The following KATNBL1 variants were observed in gnomAD, a reference collection of about 807,000 sequenced individuals.
The protein encoded by KATNBL1 is KATNB1-like protein 1.
A neutral mutation model predicts 44.7 loss-of-function variants in KATNBL1; 28 were observed. The ratio of observed to expected loss-of-function variants is 0.63; its 90% CI spans 0.46 to 0.86. The LOEUF (loss-of-function observed/expected upper bound fraction) is 0.86. KATNBL1 is among the 40% of genes least tolerant of loss of function. KATNBL1 has a pLI of 0.00. For missense variants in KATNBL1, 272 were observed against 350.7 expected, an observed-to-expected ratio of 0.78 and a Z score of 1.79; for synonymous variants, 78 against 114.9, an observed-to-expected ratio of 0.68 and a Z score of 2.06.
chr15:34,143,793 C>CAAAAAAAAAAA (rs560420668), intron 9 of KATNBL1, among the ~76,000 whole-genome samples: 10 of 64,152 alleles, frequency 1.6e-4, no homozygotes, highest in African/African-American at 4.3e-4. Flanking sequence ...ACTAAAAATA[C>CAAAAAAAAAAA]AAAAAAAAAA....
intron 5 of KATNBL1, chr15:34,148,402 A>G: frequency 6.1e-6 from 2 of 330,410 alleles, no homozygotes; most frequent in South Asian, 3.5e-5. Context: ...CCCGGGAAAC[A>G]TAAGACCTCA....
intron 4 of KATNBL1, among the ~76,000 whole-genome samples, chr15:34,150,374 G>A (rs976426546): frequency 6.6e-6 from 1 of 152,148 alleles, no homozygotes; most frequent in African/African-American, 2.4e-5. Context: ...CAGGTTGATC[G>A]CTTCAGCTCA....
intron 1 of KATNBL1, chr15:34,209,185 A>C (rs1050704156): frequency 2.6e-5 from 4 of 152,148 alleles, no homozygotes; most frequent in East Asian, 3.8e-4. Flanking sequence ...ACTCCAAAAA[A>C]CCCAGCAGAT....
At chr15:34,173,962 CAAACA>C (rs1436809256) in intron 1 of KATNBL1, among the ~76,000 whole-genome samples, 1 of 152,048 alleles carries the variant, frequency 6.6e-6, no homozygotes, top group African/African-American at 2.4e-5. Flanking sequence ...TCTCTTTAGC[CAAACA>C]AAACAAATGA....
At chr15:34,208,455 C>T (rs1042344132) in intron 1 of KATNBL1, 1 of 152,156 alleles carries the variant, frequency 6.6e-6, no homozygotes, top group Non-Finnish European at 1.5e-5. Context: ...AAATTTATTC[C>T]TTGTCAAGGA....
chr15:34,172,761 AC>A (rs1889208185), intron 1 of KATNBL1, among the ~76,000 whole-genome samples: 1 of 1,018 alleles, frequency 9.8e-4, no homozygotes, highest in Non-Finnish European at 4.4e-3. Flanking sequence ...ACAGACACAG[AC>A]ACACACACAC....
intron 3 of KATNBL1, among the ~76,000 whole-genome samples, chr15:34,153,787 T>C (rs1050210712): frequency 6.6e-6 from 1 of 152,168 alleles, no homozygotes; most frequent in African/African-American, 2.4e-5. Context: ...GCAAGGATGA[T>C]CTTGATCTCT....
At chr15:34,166,456 C>A (rs930333338) in intron 1 of KATNBL1, among the ~76,000 whole-genome samples, 1 of 152,252 alleles carries the variant, frequency 6.6e-6, no homozygotes, top group Non-Finnish European at 1.5e-5. Context: ...TGGGCAGAGC[C>A]CACTGCAGCT....
intron 1 of KATNBL1, among the ~76,000 whole-genome samples, chr15:34,169,923 C>G (rs7497840): frequency 6.6e-6 from 1 of 151,694 alleles, no homozygotes; most frequent in Non-Finnish European, 1.5e-5. Flanking sequence ...AAACTAGGTA[C>G]TGAAGAATCA....
intron 1 of KATNBL1, among the ~76,000 whole-genome samples, chr15:34,164,245 T>C (rs1236420321): frequency 6.6e-6 from 1 of 152,216 alleles, no homozygotes; most frequent in East Asian, 1.9e-4. Flanking sequence ...ATGTATTTTT[T>C]TGTGCCAAAG....
chr15:34,203,630 G>A (rs1392988819), intron 1 of KATNBL1, among the ~76,000 whole-genome samples: 1 of 152,190 alleles, frequency 6.6e-6, no homozygotes, highest in East Asian at 1.9e-4. Context: ...TAGACTGTGA[G>A]CTCCATGAGA....
chr15:34,172,549 A>G (rs10851950), intron 1 of KATNBL1, among the ~76,000 whole-genome samples: 84,540 of 151,856 alleles, frequency 0.56, 24,480 homozygotes, highest in East Asian at 0.7. Flanking sequence ...AAGCCACTGC[A>G]CCCAGCCTAG....
intron 1 of KATNBL1, among the ~76,000 whole-genome samples, chr15:34,185,694 T>C (rs1889697331): frequency 6.6e-6 from 1 of 152,170 alleles, no homozygotes; most frequent in Non-Finnish European, 1.5e-5. Flanking sequence ...AATCAGGTGC[T>C]GCAGCTCAGG....
Position 34,152,982 on chromosome 15 carries a change from A to C in KATNBL1, c.246T>G (p.Pro82=). The change falls in exon 4 of 10, where the codon CCT becomes CCG. Residue 82 remains proline (P), a synonymous_variant. Coordinates refer to ENST00000256544, the MANE Select transcript of KATNBL1 (RefSeq NM_024713.3). ...RKKVHHPFPN[P]CYRKKQSPGS... is the part of the protein sequence containing the mutation. Reference sequence around the variant, plus strand: ...CAGGGGACTGTTTTTTTCTGTAACAAGGATTTGGAAAGGGATGATGAACTT... The same window carrying C: ...CAGGGGACTGTTTTTTTCTGTAACACGGATTTGGAAAGGGATGATGAACTT... 1.2e-6 allele frequency: 2 copies of C among 1,614,084 alleles called. No individual in the cohort carries two copies. Among genetic ancestry groups the C allele is most frequent in the Non-Finnish European group, 1.7e-6 (2 of 1,179,930 alleles).
chr15:34,147,135 T>G lies in KATNBL1; in HGVS notation c.698+65A>C, dbSNP rs887127143. 1.4e-5 allele frequency: 14 copies of G among 1,010,600 alleles called. 1 individual carries two copies. The highest frequency in any genetic ancestry group is 4.8e-5 in the East Asian group (2 of 41,446). 62.6% of individuals were successfully genotyped at this position (1,010,600 alleles called of 1,614,324 possible). A position where few individuals can be genotyped will look rare whatever the true frequency, so the allele number is the denominator to read the frequency against. On this transcript the variant is annotated intron_variant, in intron 7 of 9. Coordinates refer to ENST00000256544, the MANE Select transcript of KATNBL1 (RefSeq NM_024713.3). ...TCATGGAGCCCAATCTACTATGTAC[T>G]CACAAAGCACAAAATCAAGGATGCT...
chr15:34,187,971 T>C (rs1228296171), intron 1 of KATNBL1, among the ~76,000 whole-genome samples: 8 of 149,998 alleles, frequency 5.3e-5, no homozygotes, highest in Admixed American at 5.3e-4. Context: ...AAACCCCGTA[T>C]CTACTAAAAA....
chr15:34,165,556 G>A (rs973026610), intron 1 of KATNBL1, among the ~76,000 whole-genome samples: 4 of 152,102 alleles, frequency 2.6e-5, no homozygotes, highest in Non-Finnish European at 4.4e-5. Context: ...CAGCAAGTTC[G>A]GAGGCTGAGG....
intron 1 of KATNBL1, among the ~76,000 whole-genome samples, chr15:34,172,994 G>T (rs1306287019): frequency 6.6e-6 from 1 of 151,632 alleles, no homozygotes; most frequent in Non-Finnish European, 1.5e-5. Context: ...AAACAAAAAT[G>T]GGACAAAAAA....
chr15:34,162,712 T>A (rs1243272337), intron 2 of KATNBL1, among the ~76,000 whole-genome samples: 3 of 152,114 alleles, frequency 2.0e-5, no homozygotes, highest in Non-Finnish European at 2.9e-5. Flanking sequence ...TGGGCTCAAG[T>A]GATCCTCCTA....
Sources: gnomAD v4.1 joint callset for allele counts (sites outside exome capture counted in the v4.1 genomes callset) on GRCh38, gnomAD v4.1.1 for gene constraint, MANE v1.5 for transcripts, NCBI Gene and HGNC (gene_info 2026-07-23, HGNC 2026-07-21) for gene names.